KIAA1217: variants seen among roughly 807,000 people sequenced by gnomAD.
KIAA1217 encodes KIAA1217.
KIAA1217 carries 88 observed loss-of-function variants against 163.9 expected under a neutral mutation model. The observed-to-expected ratio is 0.54, with a 90% CI of 0.45 to 0.64. The LOEUF (loss-of-function observed/expected upper bound fraction) is 0.64, where lower values mean the gene tolerates loss of function less well. Among genes scored for constraint, KIAA1217 ranks in the 30% least tolerant of loss-of-function variants. The pLI is 0.00. For synonymous variants in KIAA1217, 903 were observed against 923.1 expected (o/e 0.98, Z 0.39); for missense variants, 2,372 against 2,475.0 (o/e 0.96, Z 0.88).
chr10:23,938,801 CTG>C (rs35354613), intron 1 of KIAA1217, among the ~76,000 whole-genome samples: 30,374 of 152,036 alleles, frequency 0.2, 3,297 homozygotes, highest in Middle Eastern at 0.27. Flanking sequence ...CAAGAGATGA[CTG>C]TGTATATGCA....
chr10:24,039,516 G>A (rs1848538070), intron 2 of KIAA1217, among the ~76,000 whole-genome samples: 3 of 152,144 alleles, frequency 2.0e-5, no homozygotes, highest in African/African-American at 4.8e-5. Context: ...ATACTCTATA[G>A]TGTTTTGTGT....
Position 24,542,955 on chromosome 10 carries a change from G to C in KIAA1217, c.3685G>C (p.Ala1229Pro). The C allele has an allele frequency of 6.2e-7, 1 of 1,613,586 alleles. No individual in the cohort carries two copies. Among genetic ancestry groups the C allele is most frequent in the South Asian group, 1.1e-5 (1 of 91,048 alleles). ...AGGAATGGAGAATAGTATTTCTGAT[G>C]CATCAAGAACATCAGAATATAAAAC... is the stretch of plus-strand genomic sequence containing the variant. ...ERGMENSISD[A>P]SRTSEYKTEI... The change falls in exon 19 of 21, where the codon GCA becomes CCA. Residue 1229 changes from alanine (A) to proline (P), a missense_variant. By Grantham distance (27) the Ala-to-Pro change is conservative. This residue lies in a region of KIAA1217 where 251 missense variants were observed against 327.3 expected (regional missense o/e 0.77). Transcript: ENST00000376454.
chr10:24,190,049 AT>A (rs1341589835), intron 2 of KIAA1217, among the ~76,000 whole-genome samples: 1 of 150,834 alleles, frequency 6.6e-6, no homozygotes, highest in Non-Finnish European at 1.5e-5. Flanking sequence ...AAAAAGTATG[AT>A]TGGACATACA....
intron 1 of KIAA1217, among the ~76,000 whole-genome samples, chr10:23,870,796 C>A (rs12265895): frequency 0.013 from 2,005 of 152,192 alleles, 61 homozygotes; most frequent in African/African-American, 0.046. Flanking sequence ...CTCCCTCAGT[C>A]TTCTCTGCTA....
chr10:24,156,213 G>A (rs1006409805), intron 2 of KIAA1217, among the ~76,000 whole-genome samples: 1 of 152,030 alleles, frequency 6.6e-6, no homozygotes, highest in Non-Finnish European at 1.5e-5. Context: ...AGAGTAAATG[G>A]TATCATACAT....
At chr10:24,131,782 T>C (rs1294630064) in intron 2 of KIAA1217, among the ~76,000 whole-genome samples, 1 of 152,204 alleles carries the variant, frequency 6.6e-6, no homozygotes, top group Non-Finnish European at 1.5e-5. Flanking sequence ...GAATAGATTG[T>C]GTACCTGGAA....
intron 1 of KIAA1217, among the ~76,000 whole-genome samples, chr10:23,842,223 C>A (rs187154695): frequency 6.6e-6 from 1 of 152,072 alleles, no homozygotes; most frequent in African/African-American, 2.4e-5. Flanking sequence ...TACTGCAGAC[C>A]AGTTTTCTGT....
chr10:24,336,514 G>A (rs150860298), intron 2 of KIAA1217, among the ~76,000 whole-genome samples: 3 of 152,298 alleles, frequency 2.0e-5, no homozygotes, highest in African/African-American at 7.2e-5. Flanking sequence ...GGTCTGAAGT[G>A]TGGATGTCTG....
chr10:24,374,068 G>A (rs2052097768), intron 2 of KIAA1217, among the ~76,000 whole-genome samples: 1 of 152,318 alleles, frequency 6.6e-6, no homozygotes, highest in Non-Finnish European at 1.5e-5. Context: ...GGATGGAAAA[G>A]GGAGAAAAGT....
chr10:24,444,200 C>T (rs1198532908), intron 5 of KIAA1217, among the ~76,000 whole-genome samples: 4 of 152,028 alleles, frequency 2.6e-5, no homozygotes, highest in Admixed American at 2.0e-4. Flanking sequence ...TTACTAGAGA[C>T]GGGGTTTCAC....
chr10:24,156,777 A>T (rs1287781782), intron 2 of KIAA1217, among the ~76,000 whole-genome samples: 1 of 152,092 alleles, frequency 6.6e-6, no homozygotes, highest in Admixed American at 6.5e-5. Flanking sequence ...TATTCTTCTT[A>T]TCCTGCCTCA....
intron 5 of KIAA1217, among the ~76,000 whole-genome samples, chr10:24,464,642 T>C (rs959657742): frequency 6.6e-6 from 1 of 152,120 alleles, no homozygotes; most frequent in Non-Finnish European, 1.5e-5. Context: ...TGCACCAGCA[T>C]GCCCAGCTAA....
chr10:23,902,445 C>T (rs1841995959), intron 1 of KIAA1217, among the ~76,000 whole-genome samples: 1 of 152,160 alleles, frequency 6.6e-6, no homozygotes, highest in South Asian at 2.1e-4. Flanking sequence ...CATCCCCACT[C>T]CTGGAAACAG....
chr10:24,148,382 C>T (rs1243628137), intron 2 of KIAA1217, among the ~76,000 whole-genome samples: 2 of 151,594 alleles, frequency 1.3e-5, no homozygotes, highest in Non-Finnish European at 2.9e-5. Flanking sequence ...TTTCCATTTA[C>T]TTATTGATAT....
At chr10:24,534,844 G>A (rs1484044265) in intron 16 of KIAA1217, among the ~76,000 whole-genome samples, 4 of 138,594 alleles carry the variant, frequency 2.9e-5, no homozygotes, top group Non-Finnish European at 6.0e-5. Flanking sequence ...TCACACCACT[G>A]CACTTCAGCC....
chr10:24,258,527 G>C (rs2131654817), intron 2 of KIAA1217, among the ~76,000 whole-genome samples: 1 of 151,506 alleles, frequency 6.6e-6, no homozygotes, highest in East Asian at 1.9e-4. Flanking sequence ...CTTCATACTA[G>C]AGCAAAACCG....
intron 2 of KIAA1217, among the ~76,000 whole-genome samples, chr10:24,301,261 A>G (rs1380646940): frequency 6.6e-6 from 1 of 152,180 alleles, no homozygotes; most frequent in Admixed American, 6.5e-5. Context: ...TTTTTGTATC[A>G]ATGACATTTC....
chr10:24,447,457 A>G (rs1217579518), intron 5 of KIAA1217, among the ~76,000 whole-genome samples: 6 of 151,900 alleles, frequency 3.9e-5, no homozygotes, highest in Non-Finnish European at 8.8e-5. Flanking sequence ...TCATTGTTCA[A>G]TTCCCACCTA....
At chr10:24,451,510 G>C (rs1298399303) in intron 5 of KIAA1217, among the ~76,000 whole-genome samples, 2 of 152,248 alleles carry the variant, frequency 1.3e-5, no homozygotes, top group South Asian at 2.1e-4. Context: ...AGTAATTACT[G>C]CTAACAGCAT....
Sources: allele counts gnomAD v4.1 joint callset (sites outside exome capture counted in the v4.1 genomes callset), GRCh38; gene constraint gnomAD v4.1.1; regional missense constraint gnomAD v4.1.1; transcripts MANE v1.5; gene names NCBI Gene and HGNC (gene_info 2026-07-23, HGNC 2026-07-21).